Variants in MKLN1 observed in about 807,000 individuals in gnomAD.
MKLN1 encodes the protein muskelin.
MKLN1 carries 18 observed loss-of-function variants against 99.0 expected under a neutral mutation model. The observed-to-expected ratio is 0.18, with a 90% CI of 0.13 to 0.27. The LOEUF (loss-of-function observed/expected upper bound fraction) is 0.27, where lower values mean the gene tolerates loss of function less well. Among genes scored for constraint, MKLN1 ranks in the 10% least tolerant of loss-of-function variants. MKLN1 has a pLI of 1.00. For synonymous variants in MKLN1, 288 were observed against 293.2 expected (o/e 0.98, Z 0.18); for missense variants, 621 against 875.9 (o/e 0.71, Z 3.67).
At chr7:131,262,290 A>G (rs554656295) in intron 3 of MKLN1, among the ~76,000 whole-genome samples, 2 of 152,020 alleles carry the variant, frequency 1.3e-5, no homozygotes, top group East Asian at 3.9e-4. Context: ...CAAAAAAATT[A>G]GCTGGTCGTG....
intron 2 of MKLN1, among the ~76,000 whole-genome samples, chr7:131,148,092 T>C (rs766825503): frequency 1.3e-5 from 2 of 152,084 alleles, no homozygotes; most frequent in Non-Finnish European, 2.9e-5. Flanking sequence ...TCTGTTGCCC[T>C]GGCTGGAGTG....
rs575367279 is a variant in MKLN1, at chr7:131,299,009, T to C, written c.-178-76415T>C. On this transcript the variant is annotated intron_variant, in intron 3 of 7. Transcript: ENST00000416992. ...CTTGGGCAACAACAGCGAGATTCTGTCTCTATTGTTTATAAAATTAAAACT... is the reference window on the plus strand; with the variant it reads ...CTTGGGCAACAACAGCGAGATTCTGCCTCTATTGTTTATAAAATTAAAACT... Among the ~76,000 whole-genome samples, 8 of 152,282 alleles carry C rather than the reference T, an allele frequency of 5.3e-5. No individual in the cohort carries two copies. The East Asian group carries it at 1.5e-3, about 29-fold the overall frequency.
intron 6 of MKLN1, among the ~76,000 whole-genome samples, chr7:131,404,693 C>G (rs150318823): frequency 6.6e-6 from 1 of 151,972 alleles, no homozygotes; most frequent in Admixed American, 6.6e-5. Context: ...CAGCCTTGAC[C>G]TCCCTGGGCT....
chr7:131,152,543 G>A (rs1450242938), intron 2 of MKLN1, among the ~76,000 whole-genome samples: 3 of 145,632 alleles, frequency 2.1e-5, no homozygotes, highest in Non-Finnish European at 4.5e-5. Context: ...TCTGTCACCC[G>A]GGCTGGAGTG....
At chr7:131,435,563 A>G (rs1039472069) in intron 9 of MKLN1, among the ~76,000 whole-genome samples, 2 of 148,870 alleles carry the variant, frequency 1.3e-5, no homozygotes, top group African/African-American at 5.0e-5. Flanking sequence ...GCAATTATGA[A>G]TTCAGTTTTT....
At chr7:131,217,024 C>T (rs1197289667) in intron 3 of MKLN1, among the ~76,000 whole-genome samples, 1 of 152,094 alleles carries the variant, frequency 6.6e-6, no homozygotes, top group Non-Finnish European at 1.5e-5. Flanking sequence ...GAATAAGAAC[C>T]ATGATAGTTG....
chr7:131,411,036 T>A (rs1794858325), intron 6 of MKLN1, among the ~76,000 whole-genome samples: 1 of 152,176 alleles, frequency 6.6e-6, no homozygotes, highest in Non-Finnish European at 1.5e-5. Flanking sequence ...ATCTAATACA[T>A]ACAGTGATGA....
intron 3 of MKLN1, among the ~76,000 whole-genome samples, chr7:131,224,418 T>C (rs1021149032): frequency 4.0e-5 from 6 of 151,814 alleles, no homozygotes; most frequent in Non-Finnish European, 7.4e-5. Context: ...TGGTGGCGAG[T>C]GCCTGTAATC....
intron 2 of MKLN1, among the ~76,000 whole-genome samples, chr7:131,160,490 TTAA>T (rs1174420712): frequency 1.2e-3 from 143 of 114,744 alleles, no homozygotes; most frequent in South Asian, 4.6e-3. Flanking sequence ...ATTATTATTA[TTAA>T]TTATTATTAT....
At chr7:131,173,070 A>G (rs1796239801) in intron 2 of MKLN1, among the ~76,000 whole-genome samples, 2 of 152,148 alleles carry the variant, frequency 1.3e-5, no homozygotes. Flanking sequence ...ACAAAAATCA[A>G]TATTTTCTTT....
At chr7:131,472,594 ATGTGTGTGTGTG>A (rs5887506) in intron 16 of MKLN1, among the ~76,000 whole-genome samples, 2 of 150,000 alleles carry the variant, frequency 1.3e-5, no homozygotes, top group African/African-American at 2.5e-5. Context: ...TGAAGTGTGT[ATGTGTGTGTGTG>A]TGTGTGTGTG....
intron 8 of MKLN1, among the ~76,000 whole-genome samples, chr7:131,427,021 T>TA (rs1795377569): frequency 6.6e-6 from 1 of 152,106 alleles, no homozygotes; most frequent in African/African-American, 2.4e-5. Flanking sequence ...TCATATAACT[T>TA]ATATCTGAAG....
In MKLN1 at chr7:131,418,301, G is replaced by A. The variant is rs951379389; in HGVS notation, c.847+3591G>A. Among the ~76,000 whole-genome samples the A allele has an allele frequency of 3.3e-5, 5 of 151,490 alleles. No homozygotes were observed. In the East Asian group the frequency reaches 7.8e-4, roughly 24 times the overall value. On this transcript the variant is annotated intron_variant, in intron 8 of 17. Coordinates refer to ENST00000352689, the MANE Select transcript of MKLN1 (RefSeq NM_013255.5). ...GGAGAATCACTTGAACCTGGGAGGC[G>A]GAGGTTGCAGTGAGGCGAGATTGCG...
At chr7:131,129,386 A>G (rs1795514923) in intron 1 of MKLN1, among the ~76,000 whole-genome samples, 1 of 152,212 alleles carries the variant, frequency 6.6e-6, no homozygotes, top group Admixed American at 6.5e-5. Context: ...GAAAATAACT[A>G]CAGGTACTAA....
At position 131,336,974 on chromosome 7, in the gene MKLN1, A is replaced by G. The variant is rs192113830; in HGVS notation, c.98+8977A>G. Among the ~76,000 whole-genome samples, 23 of 152,324 alleles carry G rather than the reference A, an allele frequency of 1.5e-4. No homozygotes were observed. In the East Asian group the frequency reaches 1.9e-3, roughly 13 times the overall value. On this transcript the variant is annotated intron_variant, in intron 1 of 17. Coordinates refer to ENST00000352689, the MANE Select transcript of MKLN1 (RefSeq NM_013255.5). Reference sequence around the variant, plus strand: ...ATTTATTTTCATCTTTGAAGAATATATTAAATGACTGTACAGTTCTACATT... The same window carrying G: ...ATTTATTTTCATCTTTGAAGAATATGTTAAATGACTGTACAGTTCTACATT...
At chr7:131,131,088 GCT>G (rs1795544167) in intron 1 of MKLN1, among the ~76,000 whole-genome samples, 1 of 150,020 alleles carries the variant, frequency 6.7e-6, no homozygotes, top group South Asian at 2.1e-4. Context: ...GGGTGTGGTG[GCT>G]CACACCTGTA....
chr7:131,119,110 A>C (rs963156252), intron 1 of MKLN1, among the ~76,000 whole-genome samples: 4 of 152,238 alleles, frequency 2.6e-5, no homozygotes, highest in Admixed American at 1.3e-4. Context: ...CTGTAAAATC[A>C]AAAACAAGTT....
At chr7:131,364,209 GTTTA>G (rs962866905) in intron 1 of MKLN1, among the ~76,000 whole-genome samples, 3 of 150,592 alleles carry the variant, frequency 2.0e-5, no homozygotes, top group African/African-American at 7.5e-5. Context: ...AAAAACGTTT[GTTTA>G]TTTATTTACA....
chr7:131,114,985 G>T (rs1452307596), intron 1 of MKLN1, among the ~76,000 whole-genome samples: 1 of 152,010 alleles, frequency 6.6e-6, no homozygotes, highest in Non-Finnish European at 1.5e-5. Flanking sequence ...GAAGTTTTTG[G>T]ATTTAGTAAG....
Sources: gnomAD v4.1 joint callset for allele counts (sites outside exome capture counted in the v4.1 genomes callset) on GRCh38, gnomAD v4.1.1 for gene constraint, MANE v1.5 for transcripts, NCBI Gene and HGNC (gene_info 2026-07-23, HGNC 2026-07-21) for gene names.